The following B3GALT1 variants were observed in gnomAD, a reference collection of about 807,000 sequenced individuals.
B3GALT1 encodes the protein beta-1,3-galactosyltransferase 1.
In B3GALT1, 10 loss-of-function variants were observed where a neutral mutation model predicts 23.2. The observed-to-expected ratio is 0.43, with a 90% CI of 0.27 to 0.73. The LOEUF (loss-of-function observed/expected upper bound fraction) is 0.73. Among genes scored for constraint, B3GALT1 ranks in the 30% least tolerant of loss-of-function variants. B3GALT1 has a pLI of 0.21. For synonymous variants in B3GALT1, 156 were observed against 141.5 expected, an observed-to-expected ratio of 1.10 and a Z score of -0.73; for missense variants, 299 against 405.4, an observed-to-expected ratio of 0.74 and a Z score of 2.25.
chr2:167,826,155 T>G lies in B3GALT1; in HGVS notation c.-230+7362T>G, dbSNP rs116077398. ...TACATCTTGCCTACATTTCCTAAAGTGATGTGGGGTGAGCCTAGGTCACAC... is the reference window on the plus strand; with the variant it reads ...TACATCTTGCCTACATTTCCTAAAGGGATGTGGGGTGAGCCTAGGTCACAC... On this transcript the variant is annotated intron_variant, in intron 4 of 4. Coordinates refer to ENST00000392690, the MANE Select transcript of B3GALT1 (RefSeq NM_020981.4). Among the ~76,000 whole-genome samples the G allele has an allele frequency of 9.2e-3, 1,400 of 152,110 alleles. 27 individuals are homozygous for G. Among genetic ancestry groups the G allele is most frequent in the African/African-American group, 0.032 (1,337 of 41,460 alleles).
intron 4 of B3GALT1, among the ~76,000 whole-genome samples, chr2:167,835,593 C>G (rs1689446662): frequency 6.6e-6 from 1 of 152,264 alleles, no homozygotes; most frequent in South Asian, 2.1e-4. Flanking sequence ...TAGGCTCCAC[C>G]TCTGGGGGCA....
chr2:167,814,160 T>G (rs1181399943), intron 3 of B3GALT1, among the ~76,000 whole-genome samples: 2 of 152,232 alleles, frequency 1.3e-5, no homozygotes, highest in Non-Finnish European at 2.9e-5. Flanking sequence ...TTCTAAGTAC[T>G]TTATTCAGGA....
intron 1 of B3GALT1, among the ~76,000 whole-genome samples, chr2:167,415,013 C>A (rs1698446604): frequency 6.6e-6 from 1 of 152,192 alleles, no homozygotes; most frequent in East Asian, 1.9e-4. Flanking sequence ...TGCATTATCT[C>A]ATTTAATTTT....
At chr2:167,533,353 A>G (rs934226275) in intron 2 of B3GALT1, among the ~76,000 whole-genome samples, 3 of 151,184 alleles carry the variant, frequency 2.0e-5, no homozygotes, top group Non-Finnish European at 4.4e-5. Flanking sequence ...TTTTTTAATT[A>G]TAAGTGAGTA....
At chr2:167,404,544 G>A (rs1015184956) in intron 1 of B3GALT1, among the ~76,000 whole-genome samples, 3 of 152,148 alleles carry the variant, frequency 2.0e-5, no homozygotes, top group Admixed American at 2.0e-4. Flanking sequence ...CTTTTTGACT[G>A]ATATGCTCAG....
rs530161095 is a variant in B3GALT1, at chr2:167,525,385, TATTA to T, written c.-410+35109_-410+35112del. On this transcript the variant is annotated intron_variant, in intron 2 of 4. Coordinates refer to ENST00000392690, the MANE Select transcript of B3GALT1 (RefSeq NM_020981.4). ...CAAAATATTTAGAACATTTCACATTTATTATTCTTTATAAACAATATTTTAATAA... is the reference window on the plus strand; with the variant it reads ...CAAAATATTTAGAACATTTCACATTTTTCTTTATAAACAATATTTTAATAA... 3.0e-3 allele frequency among the ~76,000 whole-genome samples: 451 copies of T among 151,880 alleles called. 4 individuals carry two copies. The highest frequency in any genetic ancestry group is 0.01 in the African/African-American group (432 of 41,236).
At chr2:167,792,070 T>A (rs836685) in intron 3 of B3GALT1, among the ~76,000 whole-genome samples, 25,681 of 126,156 alleles carry the variant, frequency 0.2, 2,587 homozygotes, top group East Asian at 0.39. Flanking sequence ...AGTGCAAATC[T>A]AAAAAAAAAA....
intron 1 of B3GALT1, among the ~76,000 whole-genome samples, chr2:167,310,394 A>G (rs1316445334): frequency 6.6e-6 from 1 of 152,104 alleles, no homozygotes; most frequent in Non-Finnish European, 1.5e-5. Context: ...AAAAACACTG[A>G]TGGAAGGATA....
Position 167,836,976 on chromosome 2 carries a change from C to T in B3GALT1, c.-230+18183C>T, listed in dbSNP as rs527436577. The stretch of plus-strand genomic sequence containing the variant: ...AAAATACTTTACAGACAAGCAAATG[C>T]TGAGAGATTTTGTCACCACCAGGCC... On this transcript the variant is annotated intron_variant, in intron 4 of 4. Coordinates refer to ENST00000392690, the MANE Select transcript of B3GALT1 (RefSeq NM_020981.4). 2.2e-3 allele frequency among the ~76,000 whole-genome samples: 342 copies of T among 152,208 alleles called. 2 individuals are homozygous for T. Among genetic ancestry groups the T allele is most frequent in the African/African-American group, 7.5e-3 (311 of 41,524 alleles).
rs373543806 is a variant in B3GALT1, at chr2:167,839,080, T to A, written c.-230+20287T>A. Among the ~76,000 whole-genome samples the A allele has an allele frequency of 1.2e-3, 183 of 152,128 alleles. 1 individual carries two copies. The highest frequency in any genetic ancestry group is 4.2e-3 in the African/African-American group (175 of 41,468). ...ACCCACAGCCAATATCATACTGAAT[T>A]GGCAAAAACTGGAAGCATTCCCTTT... is the stretch of plus-strand genomic sequence containing the variant. On this transcript the variant is annotated intron_variant, in intron 4 of 4. Transcript: ENST00000392690.
At chr2:167,321,077 T>C (rs72886309) in intron 1 of B3GALT1, among the ~76,000 whole-genome samples, 1,950 of 152,126 alleles carry the variant, frequency 0.013, 31 homozygotes, top group Non-Finnish European at 0.02. Context: ...AAATCTAAAA[T>C]GTAAGAGTAA....
At chr2:167,835,559 C>G (rs1037776265) in intron 4 of B3GALT1, among the ~76,000 whole-genome samples, 9 of 152,244 alleles carry the variant, frequency 5.9e-5, no homozygotes, top group Admixed American at 2.6e-4. Context: ...CCCACCACAG[C>G]TCAAGGAGGG....
At chr2:167,765,565 A>G (rs1236382187) in intron 3 of B3GALT1, among the ~76,000 whole-genome samples, 2 of 152,214 alleles carry the variant, frequency 1.3e-5, no homozygotes, top group Non-Finnish European at 2.9e-5. Context: ...TTGGGTTTAT[A>G]ACTAGAATTT....
chr2:167,420,223 CA>C (rs960975326), intron 1 of B3GALT1, among the ~76,000 whole-genome samples: 1 of 152,174 alleles, frequency 6.6e-6, no homozygotes, highest in Non-Finnish European at 1.5e-5. Context: ...TCCGTAGTTT[CA>C]AATGACAGGA....
At chr2:167,466,533 T>A (rs1247677423) in intron 1 of B3GALT1, among the ~76,000 whole-genome samples, 1 of 147,192 alleles carries the variant, frequency 6.8e-6, no homozygotes, top group Non-Finnish European at 1.5e-5. Context: ...GGCAGGAGAA[T>A]TGCTTGAACC....
chr2:167,631,111 TTAAA>T (rs1430758802), intron 2 of B3GALT1, among the ~76,000 whole-genome samples: 3 of 151,946 alleles, frequency 2.0e-5, no homozygotes, highest in Admixed American at 6.6e-5. Context: ...TTTTTAATGT[TTAAA>T]TAAAAGTCAC....
chr2:167,663,294 A>AT (rs914488097), intron 3 of B3GALT1, among the ~76,000 whole-genome samples: 169 of 151,902 alleles, frequency 1.1e-3, no homozygotes, highest in Admixed American at 4.6e-3. Context: ...TTAACTCATC[A>AT]TTTTTTTATG....
intron 2 of B3GALT1, among the ~76,000 whole-genome samples, chr2:167,536,199 GC>G (rs1683422463): frequency 6.6e-6 from 1 of 152,030 alleles, no homozygotes; most frequent in Non-Finnish European, 1.5e-5. Flanking sequence ...GAGCCACCGC[GC>G]CCAGCCAAGC....
intron 3 of B3GALT1, among the ~76,000 whole-genome samples, chr2:167,808,110 G>T (rs1390683467): frequency 6.6e-6 from 1 of 150,608 alleles, no homozygotes. Flanking sequence ...TTTTATCAGA[G>T]ACTAGGATTG....
Sources: gnomAD v4.1 joint callset for allele counts (sites outside exome capture counted in the v4.1 genomes callset) on GRCh38, gnomAD v4.1.1 for gene constraint, MANE v1.5 for transcripts, NCBI Gene and HGNC (gene_info 2026-07-23, HGNC 2026-07-21) for gene names.